The following SNAP25 variants were observed in gnomAD, a reference collection of about 807,000 sequenced individuals.
SNAP25 encodes the protein synaptosome associated protein 25, also known as synaptosomal-associated protein 25.
Under a neutral mutation model 28.7 loss-of-function variants are expected in SNAP25, and 3 were observed. The observed-to-expected ratio is 0.10, with a 90% confidence interval of 0.05 to 0.27. SNAP25 has a LOEUF of 0.27. Among genes scored for constraint, SNAP25 ranks in the 10% least tolerant of loss-of-function variants. The pLI, the probability that SNAP25 is intolerant of heterozygous loss-of-function variation, is 1.00. For missense variants in SNAP25, 117 were observed against 278.7 expected, an observed-to-expected ratio of 0.42 and a Z score of 4.13; for synonymous variants, 61 against 88.1, an observed-to-expected ratio of 0.69 and a Z score of 1.72.
chr20:10,224,618 A>G (rs1229903843), intron 1 of SNAP25, among the ~76,000 whole-genome samples: 1 of 151,946 alleles, frequency 6.6e-6, no homozygotes, highest in East Asian at 1.9e-4. Flanking sequence ...TCTGGACCCA[A>G]TTGGAAGATT....
chr20:10,234,266 G>C (rs968721029), intron 1 of SNAP25, among the ~76,000 whole-genome samples: 1 of 152,064 alleles, frequency 6.6e-6, no homozygotes, highest in Non-Finnish European at 1.5e-5. Context: ...ATGAAAACTG[G>C]GACATAGAAA....
At position 10,298,108 on chromosome 20, in the gene SNAP25, C is replaced by CT. The variant is rs373563131; in HGVS notation, c.407+1066dup. 9.5e-4 allele frequency among the ~76,000 whole-genome samples: 145 copies of CT among 151,834 alleles called. 3 individuals are homozygous for CT. Among genetic ancestry groups the CT allele is most frequent in the African/African-American group, 3.3e-3 (135 of 41,392 alleles). ...TGTACATTAGAATCACCAGGGGAGA[C>CT]TTTTTTTTCTTTTACTACCAGTGTT... On this transcript the variant is annotated intron_variant, in intron 6 of 7. Transcript: ENST00000254976.
intron 1 of SNAP25, among the ~76,000 whole-genome samples, chr20:10,246,338 A>G (rs943981888): frequency 5.3e-5 from 8 of 152,294 alleles, no homozygotes; most frequent in Admixed American, 2.6e-4. Context: ...GAGAAGGTGG[A>G]GAGAGAGATA....
intron 1 of SNAP25, among the ~76,000 whole-genome samples, chr20:10,226,323 T>G (rs1192927319): frequency 1.3e-5 from 2 of 152,172 alleles, no homozygotes; most frequent in African/African-American, 4.8e-5. Context: ...CATTCCTAAT[T>G]TATGCCAGAG....
chr20:10,265,648 G>A (rs191299217), intron 1 of SNAP25, among the ~76,000 whole-genome samples: 86 of 152,278 alleles, frequency 5.6e-4, no homozygotes, highest in East Asian at 5.0e-3. Flanking sequence ...AGAACCCATG[G>A]CCCCGTGGAG....
intron 1 of SNAP25, among the ~76,000 whole-genome samples, chr20:10,268,517 C>T (rs1354989725): frequency 1.3e-5 from 2 of 152,134 alleles, no homozygotes; most frequent in Admixed American, 6.5e-5. Context: ...GGACTAATGA[C>T]CCATGTCCCC....
chr20:10,223,276 AC>A (rs1324844357), intron 1 of SNAP25, among the ~76,000 whole-genome samples: 1 of 152,104 alleles, frequency 6.6e-6, no homozygotes, highest in Admixed American at 6.5e-5. Flanking sequence ...TTCCTTTCTA[AC>A]CTTGTGGTTA....
intron 3 of SNAP25, among the ~76,000 whole-genome samples, chr20:10,278,621 G>A (rs1427218025): frequency 6.6e-6 from 1 of 152,130 alleles, no homozygotes; most frequent in African/African-American, 2.4e-5. Context: ...ATAAATTCAT[G>A]TGTGATTATC....
rs560538440 is a variant in SNAP25 at position 10,275,708 on chromosome 20, A to G, written c.72+145A>G. The G allele has an allele frequency of 1.1e-4, 67 of 583,660 alleles. No homozygotes were observed. The African/African-American group carries it at 1.2e-3, about 10-fold the overall frequency. The allele number at this position is 583,660 out of a possible 1,614,324, so 36.2% of individuals were successfully genotyped here. A position where few individuals can be genotyped will look rare whatever the true frequency, so the allele number is the denominator to read the frequency against. On this transcript the variant is annotated intron_variant, in intron 2 of 7. Transcript: ENST00000254976. Reference sequence around the variant, plus strand: ...TATGACTTTGATTTTCTGTACACCTAAGGCTTCTGTGGACCAGAATAAGTT... The same window carrying G: ...TATGACTTTGATTTTCTGTACACCTGAGGCTTCTGTGGACCAGAATAAGTT...
intron 1 of SNAP25, among the ~76,000 whole-genome samples, chr20:10,223,867 T>A (rs1480820009): frequency 6.6e-6 from 1 of 152,136 alleles, no homozygotes; most frequent in African/African-American, 2.4e-5. Context: ...AAATAAATAG[T>A]GCAACCCACA....
At chr20:10,295,176 G>A (rs532515385) in intron 5 of SNAP25, among the ~76,000 whole-genome samples, 3 of 152,332 alleles carry the variant, frequency 2.0e-5, no homozygotes, top group East Asian at 3.9e-4. Context: ...TGAGGGCTTC[G>A]CCCTGTCTCG....
chr20:10,233,099 GGCTGAAAATAAGGGATAACTGGTC>G (rs2062854378), intron 1 of SNAP25, among the ~76,000 whole-genome samples: 1 of 152,160 alleles, frequency 6.6e-6, no homozygotes, highest in Non-Finnish European at 1.5e-5. Context: ...AGTCCACAGT[GGCTGAAAATAAGGGATAACTGGTC>G]CTCTGGTTCA....
chr20:10,238,662 CA>C lies in SNAP25; in HGVS notation c.-64+19686del, dbSNP rs1422273959. Reference sequence around the variant, plus strand: ...TGGTGGCTCATGCCTGTAATCCCAGCACTTTGAGAGGCCGAGGCAGGTGGAT... The same window carrying C: ...TGGTGGCTCATGCCTGTAATCCCAGCCTTTGAGAGGCCGAGGCAGGTGGAT... On this transcript the variant is annotated intron_variant, in intron 1 of 7. Transcript: ENST00000254976. Among the ~76,000 whole-genome samples the C allele has an allele frequency of 1.3e-5, 2 of 152,126 alleles. 1 individual carries two copies. Among genetic ancestry groups the C allele is most frequent in the Non-Finnish European group, 2.9e-5 (2 of 68,032 alleles).
At chr20:10,280,960 G>C (rs2063768458) in intron 3 of SNAP25, among the ~76,000 whole-genome samples, 1 of 152,188 alleles carries the variant, frequency 6.6e-6, no homozygotes, top group Non-Finnish European at 1.5e-5. Flanking sequence ...TTTGGAGAGA[G>C]TGCCTGGAGT....
At chr20:10,242,896 A>G (rs1211929456) in intron 1 of SNAP25, among the ~76,000 whole-genome samples, 1 of 152,252 alleles carries the variant, frequency 6.6e-6, no homozygotes, top group African/African-American at 2.4e-5. Context: ...CTTCTACCAA[A>G]GGTATCTGAT....
chr20:10,303,037 ATGTT>A (rs149465699), intron 7 of SNAP25, among the ~76,000 whole-genome samples: 2,212 of 152,264 alleles, frequency 0.015, 50 homozygotes, highest in African/African-American at 0.049. Context: ...AGATCCTAGA[ATGTT>A]TGCGCTCAGG....
At chr20:10,275,646 T>C (rs2063679663) in intron 2 of SNAP25, 83 bp downstream of exon 2, 16 of 1,108,744 alleles carry the variant, frequency 1.4e-5, no homozygotes, top group Non-Finnish European at 2.0e-5. Context: ...AGGGAAAGCC[T>C]TTCTTTCAAT....
chr20:10,234,564 A>T (rs2062884381), intron 1 of SNAP25, among the ~76,000 whole-genome samples: 1 of 152,218 alleles, frequency 6.6e-6, no homozygotes, highest in Admixed American at 6.5e-5. Context: ...CCAGCCCTAT[A>T]GGCATTTGAG....
intron 1 of SNAP25, among the ~76,000 whole-genome samples, chr20:10,253,786 A>G (rs1433917884): frequency 6.6e-6 from 1 of 152,222 alleles, no homozygotes; most frequent in Non-Finnish European, 1.5e-5. Flanking sequence ...GCAGTTGTAG[A>G]TGTGGTTTAG....
Sources: gnomAD v4.1 joint callset for allele counts (sites outside exome capture counted in the v4.1 genomes callset) on GRCh38, gnomAD v4.1.1 for gene constraint, MANE v1.5 for transcripts, NCBI Gene and HGNC (gene_info 2026-07-23, HGNC 2026-07-21) for gene names.